NCALD: variants seen among roughly 807,000 people sequenced by gnomAD.
NCALD encodes neurocalcin-delta.
In NCALD, 10 loss-of-function variants were observed where a neutral mutation model predicts 18.6. The observed-to-expected ratio is 0.54, with a 90% CI of 0.33 to 0.91. The LOEUF is 0.91. Ranked by LOEUF, NCALD falls within the 40% of genes least tolerant of loss-of-function variation. The probability of loss-of-function intolerance (pLI) is 0.03; values close to 1 mark genes in which losing one functional copy is unlikely to be tolerated. For missense variants in NCALD, 184 were observed against 247.6 expected (o/e 0.74, Z 1.72); for synonymous variants, 88 against 87.4 (o/e 1.01, Z -0.04).
intron 1 of NCALD, among the ~76,000 whole-genome samples, chr8:101,772,943 A>G (rs1169805070): frequency 6.6e-6 from 1 of 152,158 alleles, no homozygotes; most frequent in Non-Finnish European, 1.5e-5. Context: ...GTAGGAGTAG[A>G]CCCTAGTATA....
intron 1 of NCALD, among the ~76,000 whole-genome samples, chr8:101,735,491 G>C (rs1817036252): frequency 6.6e-6 from 1 of 152,038 alleles, no homozygotes; most frequent in Admixed American, 6.6e-5. Flanking sequence ...AGGTCTGCAG[G>C]GCTTTTAAGG....
intron 1 of NCALD, among the ~76,000 whole-genome samples, chr8:102,044,459 G>A (rs1022131833): frequency 6.7e-6 from 1 of 149,624 alleles, no homozygotes; most frequent in Non-Finnish European, 1.5e-5. Context: ...CAAGAAGAGA[G>A]ATGGTATGAC....
intron 2 of NCALD, among the ~76,000 whole-genome samples, chr8:101,932,418 G>A (rs1214550565): frequency 1.3e-5 from 2 of 152,056 alleles, no homozygotes; most frequent in Admixed American, 1.3e-4. Flanking sequence ...TGCTTCCTGG[G>A]GAAACCAAAC....
intron 1 of NCALD, among the ~76,000 whole-genome samples, chr8:101,734,968 A>T (rs1308152100): frequency 1.3e-5 from 2 of 152,210 alleles, no homozygotes; most frequent in Non-Finnish European, 2.9e-5. Context: ...GAGGACGTAG[A>T]ACAACTGTTG....
Position 101,754,366 on chromosome 8 carries a change from G to C in NCALD, c.-19-34718C>G, listed in dbSNP as rs570433224. 3.3e-5 allele frequency among the ~76,000 whole-genome samples: 5 copies of C among 152,254 alleles called. No individual in the cohort carries two copies. The South Asian group carries it at 1.0e-3, about 32-fold the overall frequency. On this transcript the variant is annotated intron_variant, in intron 1 of 3. Transcript: ENST00000220931. Reference sequence around the variant, plus strand: ...TAGTCTATTGGTGCTGCTATAACAAGATGTCATAAACTGGGGAACTTACAA... The same window carrying C: ...TAGTCTATTGGTGCTGCTATAACAACATGTCATAAACTGGGGAACTTACAA...
intron 4 of NCALD, among the ~76,000 whole-genome samples, chr8:101,885,624 C>T (rs777795026): frequency 1.7e-4 from 26 of 152,174 alleles, no homozygotes; most frequent in African/African-American, 6.0e-4. Context: ...CTCGCAGTCT[C>T]CCTTTGCTCC....
intron 4 of NCALD, among the ~76,000 whole-genome samples, chr8:101,801,689 C>T (rs1192722503): frequency 1.5e-4 from 11 of 72,812 alleles, no homozygotes; most frequent in African/African-American, 4.7e-4. Flanking sequence ...TTTTTTGAGA[C>T]GGAATCTCCC....
chr8:101,876,869 C>T (rs556097747), intron 4 of NCALD, among the ~76,000 whole-genome samples: 4 of 152,268 alleles, frequency 2.6e-5, no homozygotes, highest in East Asian at 1.9e-4. Context: ...ACCAATGAGA[C>T]GTTTTGCTTT....
At chr8:101,770,427 T>TA (rs1199542866) in intron 1 of NCALD, among the ~76,000 whole-genome samples, 1 of 152,206 alleles carries the variant, frequency 6.6e-6, no homozygotes, top group Admixed American at 6.5e-5. Flanking sequence ...CCCCATTATC[T>TA]AAAATCTCCT....
intron 3 of NCALD, chr8:101,691,574 T>G: frequency 1.0e-6 from 1 of 985,402 alleles, no homozygotes; most frequent in Non-Finnish European, 1.2e-6. Context: ...ACCTGCAGTT[T>G]AACATCAGCA....
At chr8:101,860,205 C>T (rs1372938645) in intron 4 of NCALD, among the ~76,000 whole-genome samples, 1 of 152,120 alleles carries the variant, frequency 6.6e-6, no homozygotes, top group East Asian at 1.9e-4. Context: ...TTAAAACTTA[C>T]CTCCAATACA....
At chr8:101,808,976 A>G (rs1408422007) in intron 4 of NCALD, among the ~76,000 whole-genome samples, 1 of 152,158 alleles carries the variant, frequency 6.6e-6, no homozygotes, top group African/African-American at 2.4e-5. Context: ...TACATGCCAA[A>G]CCTATTCCCA....
intron 1 of NCALD, among the ~76,000 whole-genome samples, chr8:101,752,568 G>C (rs1810704071): frequency 6.6e-6 from 1 of 152,210 alleles, no homozygotes; most frequent in African/African-American, 2.4e-5. Flanking sequence ...AAATCCAGGA[G>C]TGGTGGTCAA....
intron 2 of NCALD, among the ~76,000 whole-genome samples, chr8:101,983,713 T>G (rs1408037068): frequency 1.3e-5 from 2 of 152,242 alleles, no homozygotes; most frequent in African/African-American, 2.4e-5. Context: ...CAATGGGCCT[T>G]CTGGCCTTTC....
chr8:101,838,815 A>G (rs1005324186), intron 4 of NCALD, among the ~76,000 whole-genome samples: 4 of 152,230 alleles, frequency 2.6e-5, no homozygotes, highest in Admixed American at 2.6e-4. Flanking sequence ...GACGTGCAAC[A>G]CTGCTAATAT....
chr8:101,788,382 C>G (rs1206733668), intron 1 of NCALD, among the ~76,000 whole-genome samples: 1 of 152,170 alleles, frequency 6.6e-6, no homozygotes, highest in Non-Finnish European at 1.5e-5. Context: ...AGCCACAGCA[C>G]CTGTGATATT....
chr8:101,985,328 C>T (rs954802246), intron 2 of NCALD, among the ~76,000 whole-genome samples: 3 of 152,168 alleles, frequency 2.0e-5, no homozygotes, highest in Non-Finnish European at 2.9e-5. Context: ...GTATGCAGAA[C>T]AGACCTGAGC....
intron 4 of NCALD, among the ~76,000 whole-genome samples, chr8:101,816,155 T>C (rs1483937883): frequency 2.0e-5 from 3 of 152,092 alleles, no homozygotes; most frequent in Non-Finnish European, 2.9e-5. Flanking sequence ...CGGATTTACA[T>C]AGATGGAGCA....
intron 2 of NCALD, among the ~76,000 whole-genome samples, chr8:101,988,154 C>CAAAAA (rs141735735): frequency 3.5e-4 from 13 of 36,988 alleles, no homozygotes; most frequent in Non-Finnish European, 4.8e-4. Flanking sequence ...GACTCCGTCT[C>CAAAAA]AAAAAAAAAA....
Sources: allele counts gnomAD v4.1 joint callset (sites outside exome capture counted in the v4.1 genomes callset), GRCh38; gene constraint gnomAD v4.1.1; transcripts MANE v1.5; gene names NCBI Gene and HGNC (gene_info 2026-07-23, HGNC 2026-07-21).